TMEM232: variants seen among roughly 807,000 people sequenced by gnomAD.
The protein encoded by TMEM232 is transmembrane protein 232.
Under a neutral mutation model 78.8 loss-of-function variants are expected in TMEM232, and 80 were observed. The ratio of observed to expected loss-of-function variants is 1.01; its 90% CI spans 0.85 to 1.22. TMEM232 has a LOEUF of 1.22. Ranked by LOEUF, TMEM232 falls within the 50% of genes most tolerant of loss-of-function variation. The probability of loss-of-function intolerance (pLI) is 0.00; values close to 1 mark genes in which losing one functional copy is unlikely to be tolerated. For synonymous variants in TMEM232, 297 were observed against 254.3 expected, an observed-to-expected ratio of 1.17 and a Z score of -1.60; for missense variants, 881 against 742.2, an observed-to-expected ratio of 1.19 and a Z score of -2.17.
Position 110,676,552 on chromosome 5 carries a change from T to C in TMEM232, c.-12-9188A>G, listed in dbSNP as rs967592262. 2.0e-5 allele frequency among the ~76,000 whole-genome samples: 3 copies of C among 151,964 alleles called. No individual in the cohort carries two copies. In the South Asian group the frequency reaches 6.2e-4, roughly 32 times the overall value. On this transcript the variant is annotated intron_variant, in intron 1 of 13. Transcript: ENST00000455884. The stretch of plus-strand genomic sequence containing the variant: ...GCTCAAATAACTGGGACTACAGGTG[T>C]GAGCCACCACACCCATCTAATGTTT...
intron 8 of TMEM232, among the ~76,000 whole-genome samples, chr5:110,616,066 A>T (rs1226139193): frequency 6.6e-6 from 1 of 152,030 alleles, no homozygotes; most frequent in Non-Finnish European, 1.5e-5. Flanking sequence ...AAAAACAGAC[A>T]AAAAATTTAA....
chr5:110,504,944 A>G (rs757943211), intron 12 of TMEM232, among the ~76,000 whole-genome samples: 6 of 152,194 alleles, frequency 3.9e-5, no homozygotes, highest in Non-Finnish European at 8.8e-5. Flanking sequence ...CAGGGCACTT[A>G]TTTTCATACA....
intron 12 of TMEM232, among the ~76,000 whole-genome samples, chr5:110,489,909 A>G (rs569726324): frequency 6.6e-6 from 1 of 152,052 alleles, no homozygotes; most frequent in African/African-American, 2.4e-5. Context: ...GCGGATCACA[A>G]GGTCAAGAGA....
intron 12 of TMEM232, among the ~76,000 whole-genome samples, chr5:110,458,545 G>A (rs1019843961): frequency 6.6e-6 from 1 of 152,088 alleles, no homozygotes; most frequent in Non-Finnish European, 1.5e-5. Flanking sequence ...GGTGCTGGCT[G>A]AAACTACGGC....
chr5:110,602,530 G>C (rs1781049377), intron 10 of TMEM232, among the ~76,000 whole-genome samples: 1 of 151,802 alleles, frequency 6.6e-6, no homozygotes, highest in African/African-American at 2.4e-5. Flanking sequence ...GCCAAAACAA[G>C]CATATGAAAA....
At chr5:110,576,050 AGCACCTTGCAG>A (rs1777540599) in intron 10 of TMEM232, among the ~76,000 whole-genome samples, 2 of 152,210 alleles carry the variant, frequency 1.3e-5, no homozygotes, top group South Asian at 4.1e-4. Flanking sequence ...TCAATTCCAC[AGCACCTTGCAG>A]GCCATCTAAA....
intron 12 of TMEM232, among the ~76,000 whole-genome samples, chr5:110,466,739 A>G (rs1032464904): frequency 2.0e-5 from 3 of 151,532 alleles, no homozygotes; most frequent in Non-Finnish European, 4.4e-5. Context: ...CAGCCTCCCG[A>G]GTAGCTGGGA....
chr5:110,576,338 G>A (rs1777571335), intron 10 of TMEM232, among the ~76,000 whole-genome samples: 1 of 152,040 alleles, frequency 6.6e-6, no homozygotes, highest in African/African-American at 2.4e-5. Context: ...GGCAGTGAAA[G>A]ATCTCTACAA....
intron 12 of TMEM232, among the ~76,000 whole-genome samples, chr5:110,508,990 GTATATATGTATA>G (rs202129422): frequency 0.034 from 4,242 of 125,290 alleles, 237 homozygotes; most frequent in African/African-American, 0.14. Flanking sequence ...TTATATATGT[GTATATATGTATA>G]TATATATGTA....
chr5:110,628,142 G>A (rs1345727323), intron 5 of TMEM232, among the ~76,000 whole-genome samples: 2 of 151,984 alleles, frequency 1.3e-5, no homozygotes, highest in Admixed American at 6.6e-5. Flanking sequence ...ATGCCCTTTA[G>A]AACAGTGTTT....
chr5:110,700,949 C>G (rs891102291), intron 1 of TMEM232, among the ~76,000 whole-genome samples: 1 of 151,924 alleles, frequency 6.6e-6, no homozygotes, highest in Non-Finnish European at 1.5e-5. Context: ...TTAGGGGTAT[C>G]TAATCAACCA....
Position 110,528,743 on chromosome 5 carries a change from C to G in TMEM232, c.1548G>C (p.Gly516=). ...VGEEVFSKYI[G]WRIANTLSKL... ...TGGAAAGAGTGTTGGCAATTCTCCA[C>G]CCAATATATTTGGAGAAAACTTCTT... is the stretch of plus-strand genomic sequence containing the variant. Residue 516 remains glycine (G), a synonymous_variant, in exon 12 of 14, where the codon GGG becomes GGC. Transcript: ENST00000455884. 1 of 1,533,500 alleles carries G rather than the reference C, an allele frequency of 6.5e-7. No individual in the cohort carries two copies. The highest frequency in any genetic ancestry group is 8.7e-7 in the Non-Finnish European group (1 of 1,145,662). 95.0% of individuals were successfully genotyped at this position (1,533,500 alleles called of 1,614,324 possible).
intron 12 of TMEM232, among the ~76,000 whole-genome samples, chr5:110,506,279 T>G (rs1236922597): frequency 6.6e-6 from 1 of 152,200 alleles, no homozygotes; most frequent in East Asian, 1.9e-4. Context: ...TTGTTTTTGT[T>G]TGTTTTGTTT....
chr5:110,445,186 T>C (rs1759512450), intron 12 of TMEM232, among the ~76,000 whole-genome samples: 1 of 152,072 alleles, frequency 6.6e-6, no homozygotes. Flanking sequence ...CTACATTTTA[T>C]TCATTTGGAT....
chr5:110,517,152 C>T (rs1294767857), intron 12 of TMEM232, among the ~76,000 whole-genome samples: 2 of 152,072 alleles, frequency 1.3e-5, no homozygotes, highest in African/African-American at 4.8e-5. Flanking sequence ...GAATAAAGAC[C>T]TTTCAGGGAT....
At chr5:110,500,702 A>G (rs73220788) in intron 12 of TMEM232, among the ~76,000 whole-genome samples, 9,799 of 152,220 alleles carry the variant, frequency 0.064, 957 homozygotes, top group African/African-American at 0.21. Context: ...GAAAAAAGCA[A>G]TAACTATGGA....
chr5:110,454,099 A>G (rs1211295543), intron 12 of TMEM232, among the ~76,000 whole-genome samples: 1 of 152,200 alleles, frequency 6.6e-6, no homozygotes, highest in African/African-American at 2.4e-5. Context: ...CAATTAATAT[A>G]ACAGACAGAA....
At chr5:110,412,773 C>A (rs113172158) in intron 2 of TMEM232, among the ~76,000 whole-genome samples, 1 of 151,998 alleles carries the variant, frequency 6.6e-6, no homozygotes, top group Non-Finnish European at 1.5e-5. Flanking sequence ...GTAACTTATC[C>A]AAGTTGTTGA....
At chr5:110,397,355 A>T (rs1755426800) in intron 3 of TMEM232, among the ~76,000 whole-genome samples, 1 of 152,188 alleles carries the variant, frequency 6.6e-6, no homozygotes, top group African/African-American at 2.4e-5. Flanking sequence ...AACTAGAGGG[A>T]TTTAATAGAG....
Sources: gnomAD v4.1 joint callset for allele counts (sites outside exome capture counted in the v4.1 genomes callset) on GRCh38, gnomAD v4.1.1 for gene constraint, MANE v1.5 for transcripts, NCBI Gene and HGNC (gene_info 2026-07-23, HGNC 2026-07-21) for gene names.